Variants in SP3 observed in about 807,000 individuals in gnomAD.
SP3 encodes transcription factor Sp3.
SP3 carries 10 observed loss-of-function variants against 70.3 expected under a neutral mutation model. The ratio of observed to expected loss-of-function variants is 0.14; its 90% CI spans 0.09 to 0.24. The LOEUF (loss-of-function observed/expected upper bound fraction) is 0.24. SP3 is among the 10% of genes least tolerant of loss of function. The pLI, the probability that SP3 is intolerant of heterozygous loss-of-function variation, is 1.00. For synonymous variants in SP3, 402 were observed against 333.5 expected, an observed-to-expected ratio of 1.21 and a Z score of -2.24; for missense variants, 825 against 914.6, an observed-to-expected ratio of 0.90 and a Z score of 1.26.
intron 4 of SP3, among the ~76,000 whole-genome samples, chr2:173,936,626 T>C (rs1048191148): frequency 6.6e-6 from 1 of 152,198 alleles, no homozygotes; most frequent in Non-Finnish European, 1.5e-5. Context: ...TCAATACAGA[T>C]GTATAATCTA....
chr2:173,919,170 G>A lies in SP3; in HGVS notation c.1640-385C>T, dbSNP rs554488920. Among the ~76,000 whole-genome samples the A allele has an allele frequency of 8.5e-5, 13 of 152,144 alleles. No homozygotes were observed. The South Asian group carries it at 1.7e-3, about 19-fold the overall frequency. On this transcript the variant is annotated intron_variant, in intron 4 of 6. Transcript: ENST00000310015. ...TCCTCTACTTTTCTATGCCTTTTATGTGCAAATAATACATAAAGAGATGTT... is the reference window on the plus strand; with the variant it reads ...TCCTCTACTTTTCTATGCCTTTTATATGCAAATAATACATAAAGAGATGTT...
At chr2:173,964,230 C>CGGGCGGGGTCGGAGCGT in intron 2 of SP3, 175 bp downstream of exon 2, 1 of 468,702 alleles carries the variant, frequency 2.1e-6, no homozygotes, top group South Asian at 3.1e-5. Context: ...CGGGGCGGCG[C>CGGGCGGGGTCGGAGCGT]GGGCGGGGTC....
At chr2:173,915,265 T>C (rs1689593221) in intron 5 of SP3, 1 of 152,046 alleles carries the variant, frequency 6.6e-6, no homozygotes, top group East Asian at 1.9e-4. Flanking sequence ...TGCACACATA[T>C]TTAAGGAAAA....
chr2:173,965,240 C>T lies in SP3; in HGVS notation c.-69G>A. 1.3e-6 allele frequency: 2 copies of T among 1,531,970 alleles called. No individual in the cohort carries two copies. The highest frequency in any genetic ancestry group is 1.2e-5 in the South Asian group (1 of 82,952). 94.9% of individuals were successfully genotyped at this position (1,531,970 alleles called of 1,614,324 possible). The stretch of plus-strand genomic sequence containing the variant: ...ACATGGTGAGGAGCGAAGGCGGCGG[C>T]GGCGGGAGAGGATGCGGGAAGCGGC... On this transcript the variant is annotated 5_prime_UTR_variant, in exon 1 of 7. Coordinates refer to ENST00000310015, the MANE Select transcript of SP3 (RefSeq NM_003111.5).
chr2:173,961,134 T>C (rs1691060017), intron 3 of SP3, among the ~76,000 whole-genome samples: 1 of 152,220 alleles, frequency 6.6e-6, no homozygotes, highest in African/African-American at 2.4e-5. Flanking sequence ...CTACTAAAAT[T>C]AGCCACAACT....
At chr2:173,925,177 C>A (rs1464840857) in intron 4 of SP3, among the ~76,000 whole-genome samples, 2 of 152,164 alleles carry the variant, frequency 1.3e-5, no homozygotes, top group Non-Finnish European at 2.9e-5. Context: ...GGATTACAGG[C>A]GTGAGCCACC....
chr2:173,921,902 T>A (rs898413641), intron 4 of SP3, among the ~76,000 whole-genome samples: 3 of 152,186 alleles, frequency 2.0e-5, no homozygotes, highest in African/African-American at 7.2e-5. Flanking sequence ...CCTTCCCTCC[T>A]ACTCTTTCTC....
chr2:173,905,395 T>C lies in SP3; in HGVS notation c.*4546A>G, dbSNP rs919021575. On this transcript the variant is annotated 3_prime_UTR_variant, in exon 7 of 7. Coordinates refer to ENST00000310015, the MANE Select transcript of SP3 (RefSeq NM_003111.5). Reference sequence around the variant, plus strand: ...CTATTGTTAGCCTCTTCATGGATGATGAAAATGAGGTTTTAAGGTAAGAAA... The same window carrying C: ...CTATTGTTAGCCTCTTCATGGATGACGAAAATGAGGTTTTAAGGTAAGAAA... 2.0e-5 allele frequency among the ~76,000 whole-genome samples: 3 copies of C among 152,094 alleles called. No homozygotes were observed. Among genetic ancestry groups the C allele is most frequent in the Non-Finnish European group, 4.4e-5 (3 of 68,022 alleles).
chr2:173,912,940 TAA>T lies in SP3; in HGVS notation c.2029+128_2029+129del, dbSNP rs1689528304. 6.7e-6 allele frequency: 4 copies of T among 593,044 alleles called. No individual in the cohort carries two copies. In the East Asian group the frequency reaches 1.3e-4, roughly 19 times the overall value. The allele number at this position is 593,044 out of a possible 1,614,324, so 36.7% of individuals were successfully genotyped here. ...GTTATTAAGATGGTGTTACTAAAGG[TAA>T]AAATTGGATGTAATTCATTGTATTT... is the stretch of plus-strand genomic sequence containing the variant. On this transcript the variant is annotated intron_variant, in intron 6 of 6. Transcript: ENST00000310015.
At chr2:173,926,526 C>T (rs1385561013) in intron 4 of SP3, among the ~76,000 whole-genome samples, 2 of 152,046 alleles carry the variant, frequency 1.3e-5, no homozygotes, top group African/African-American at 4.8e-5. Flanking sequence ...AGGCTGGGCA[C>T]GGTGGCTCAC....
chr2:173,958,977 T>C (rs1251997938), intron 3 of SP3, among the ~76,000 whole-genome samples: 1 of 152,188 alleles, frequency 6.6e-6, no homozygotes, highest in Non-Finnish European at 1.5e-5. Context: ...GCTAAGATTA[T>C]GAGAATAGAT....
intron 4 of SP3, 68 bp downstream of exon 4, chr2:173,954,805 A>G (rs1249625731): frequency 1.2e-5 from 17 of 1,464,718 alleles, no homozygotes; most frequent in Non-Finnish European, 1.6e-5. Flanking sequence ...TAAATACCTA[A>G]AGCAAAAAAT....
intron 6 of SP3, among the ~76,000 whole-genome samples, chr2:173,911,123 T>C (rs974953787): frequency 1.3e-5 from 2 of 152,222 alleles, no homozygotes; most frequent in Admixed American, 6.5e-5. Context: ...TCAGACCTCA[T>C]GCTTGAACTA....
intron 4 of SP3, among the ~76,000 whole-genome samples, chr2:173,923,040 T>TA (rs1428893881): frequency 6.6e-6 from 1 of 152,228 alleles, no homozygotes; most frequent in Admixed American, 6.5e-5. Context: ...TGTGCTGACT[T>TA]AAATTTGATT....
intron 4 of SP3, among the ~76,000 whole-genome samples, chr2:173,948,023 G>A (rs1253865554): frequency 6.6e-6 from 1 of 151,998 alleles, no homozygotes; most frequent in Non-Finnish European, 1.5e-5. Flanking sequence ...TCATACCTCA[G>A]GATAACAAAC....
chr2:173,954,316 G>A (rs11683792), intron 4 of SP3, among the ~76,000 whole-genome samples: 42,664 of 152,040 alleles, frequency 0.28, 6,963 homozygotes, highest in East Asian at 0.61. Flanking sequence ...CACTATCACA[G>A]AATCAAAGAA....
intron 3 of SP3, chr2:173,963,112 A>G (rs1691139295): frequency 6.6e-6 from 1 of 152,192 alleles, no homozygotes; most frequent in South Asian, 2.1e-4. Context: ...CAAAATCTAA[A>G]GTACTATCTA....
In SP3 at chr2:173,903,893, C is replaced by A. The variant is rs1689238968; in HGVS notation, c.*6048G>T. 6.6e-6 allele frequency among the ~76,000 whole-genome samples: 1 copy of A among 150,586 alleles called. No homozygotes were observed. Among genetic ancestry groups the A allele is most frequent in the Non-Finnish European group, 1.5e-5 (1 of 67,776 alleles). Reference sequence around the variant, plus strand: ...GTCTAAACCTGACTCACTTGGCAGGCAATAAACGTGACTTTTTGTTGGTAT... The same window carrying A: ...GTCTAAACCTGACTCACTTGGCAGGAAATAAACGTGACTTTTTGTTGGTAT... On this transcript the variant is annotated 3_prime_UTR_variant, in exon 7 of 7. Coordinates refer to ENST00000310015, the MANE Select transcript of SP3 (RefSeq NM_003111.5).
In SP3 at chr2:173,965,248, G is replaced by C. The variant is rs1691257339; in HGVS notation, c.-77C>G. On this transcript the variant is annotated 5_prime_UTR_variant, in exon 1 of 7. Coordinates refer to ENST00000310015, the MANE Select transcript of SP3 (RefSeq NM_003111.5). ...AGGAGCGAAGGCGGCGGCGGCGGGA[G>C]AGGATGCGGGAAGCGGCGGCGGACA... 2.0e-6 allele frequency: 3 copies of C among 1,512,400 alleles called. No individual in the cohort carries two copies. The highest frequency in any genetic ancestry group is 2.7e-6 in the Non-Finnish European group (3 of 1,116,210). The allele number at this position is 1,512,400 out of a possible 1,614,324, so 93.7% of individuals were successfully genotyped here. A position where few individuals can be genotyped will look rare whatever the true frequency, so the allele number is the denominator to read the frequency against.
Sources: allele counts gnomAD v4.1 joint callset (sites outside exome capture counted in the v4.1 genomes callset), GRCh38; gene constraint gnomAD v4.1.1; transcripts MANE v1.5; gene names NCBI Gene and HGNC (gene_info 2026-07-23, HGNC 2026-07-21).